The following CABP1 variants were observed in gnomAD, a reference collection of about 807,000 sequenced individuals.
CABP1 encodes calcium binding protein 1.
Under a neutral mutation model 34.3 loss-of-function variants are expected in CABP1, and 17 were observed. The observed-to-expected ratio is 0.50, with a 90% confidence interval of 0.34 to 0.74. The LOEUF is 0.74. Ranked by LOEUF, CABP1 falls within the 30% of genes least tolerant of loss-of-function variation. The probability of loss-of-function intolerance (pLI) is 0.01; values close to 1 mark genes in which losing one functional copy is unlikely to be tolerated. For synonymous variants in CABP1, 198 were observed against 229.2 expected, an observed-to-expected ratio of 0.86 and a Z score of 1.23; for missense variants, 373 against 511.1, an observed-to-expected ratio of 0.73 and a Z score of 2.61.
the CABP1 span, among the ~76,000 whole-genome samples, chr12:120,679,492 G>A: frequency 6.6e-6 from 1 of 152,168 alleles, no homozygotes; most frequent in African/African-American, 2.4e-5. Flanking sequence ...GCTCTGTCAG[G>A]ACCTGGGTTT....
chr12:120,641,380 C>T lies in CABP1; in HGVS notation c.654+41C>T. 8.0e-7 allele frequency: 1 copy of T among 1,248,298 alleles called. No individual in the cohort carries two copies. 77.3% of individuals were successfully genotyped at this position (1,248,298 alleles called of 1,614,324 possible). ...CCCGTCAGCGCTCCCGGGAAAGGCG[C>T]TCGGGACCCTGCCGGCCGCGGTTGC... On this transcript the variant is annotated intron_variant, in intron 1 of 5. Transcript: ENST00000316803. The surrounding 1 kb of genome is among the most constrained non-coding windows in gnomAD (Gnocchi z 6.7).
At chr12:120,676,485 T>A in the CABP1 span, among the ~76,000 whole-genome samples, 7 of 152,270 alleles carry the variant, frequency 4.6e-5, no homozygotes, top group African/African-American at 1.7e-4. Flanking sequence ...TGGAGCATGA[T>A]GATGTGATCT....
chr12:120,665,374 C>T (rs71454656), intron 5 of CABP1, among the ~76,000 whole-genome samples: 18,901 of 151,706 alleles, frequency 0.12, 1,298 homozygotes, highest in Non-Finnish European at 0.14. Flanking sequence ...TGCAGTGAGC[C>T]GAGATTGTGC....
chr12:120,647,720 A>G (rs1593155768), intron 1 of CABP1, among the ~76,000 whole-genome samples: 1 of 148,040 alleles, frequency 6.8e-6, no homozygotes, highest in Admixed American at 6.8e-5. Flanking sequence ...GGCACCTGCC[A>G]CCACGCCCAG....
intron 1 of CABP1, among the ~76,000 whole-genome samples, chr12:120,643,097 T>A (rs2137325737): frequency 6.6e-6 from 1 of 152,036 alleles, no homozygotes; most frequent in East Asian, 1.9e-4. Flanking sequence ...CTTTTGTTTC[T>A]CCTTCTAATT....
At chr12:120,670,748 G>GA (rs1184461989), downstream of CABP1, among the ~76,000 whole-genome samples, 4 of 152,066 alleles carry the variant, frequency 2.6e-5, no homozygotes, top group Non-Finnish European at 5.9e-5. Flanking sequence ...CTTTTGTCTC[G>GA]AAAACCAAAA....
chr12:120,658,420 C>A (rs962581346), intron 1 of CABP1, among the ~76,000 whole-genome samples: 2 of 152,050 alleles, frequency 1.3e-5, no homozygotes, highest in Non-Finnish European at 2.9e-5. Flanking sequence ...TTTAGGTGAA[C>A]GTCCATGCAG....
intron 1 of CABP1, chr12:120,650,348 C>T (rs1051108811): frequency 1.5e-6 from 1 of 678,638 alleles, no homozygotes; most frequent in Non-Finnish European, 2.3e-6. Flanking sequence ...TTTCCCTGTG[C>T]CCTGCACTCT....
chr12:120,648,537 T>A (rs1879654351), intron 1 of CABP1, among the ~76,000 whole-genome samples: 1 of 152,166 alleles, frequency 6.6e-6, no homozygotes, highest in African/African-American at 2.4e-5. Flanking sequence ...AAGCCCCATT[T>A]TTCCAGTGGC....
chr12:120,659,782 C>G (rs1880506240), intron 1 of CABP1, 96 bp from the exon 2 acceptor site: 2 of 1,138,648 alleles, frequency 1.8e-6, no homozygotes, highest in Admixed American at 1.8e-5. Context: ...CACCTCCTAC[C>G]CAGTGCCTGC....
Position 120,641,581 on chromosome 12 carries a change from C to G in CABP1, c.654+242C>G. 2.6e-6 allele frequency: 1 copy of G among 385,746 alleles called. No individual in the cohort carries two copies. Among genetic ancestry groups the G allele is most frequent in the Non-Finnish European group, 4.5e-6 (1 of 221,202 alleles). The allele number at this position is 385,746 out of a possible 1,614,324, so 23.9% of individuals were successfully genotyped here. The stretch of plus-strand genomic sequence containing the variant: ...GGCAAGGCCCTCCCCGCTAGCCTCC[C>G]TCATACCCGCCAGAACCCGCCAGTC... On this transcript the variant is annotated intron_variant, in intron 1 of 5. Transcript: ENST00000316803. This position sits in a 1 kb window ranked among gnomAD's most constrained non-coding sequence, Gnocchi z 6.7.
intron 1 of CABP1, among the ~76,000 whole-genome samples, chr12:120,658,436 TCA>T (rs1880393971): frequency 6.6e-6 from 1 of 152,014 alleles, no homozygotes; most frequent in Admixed American, 6.6e-5. Context: ...TGCAGTCATC[TCA>T]GAGACACGCC....
chr12:120,662,808 C>A (rs1302141381), intron 5 of CABP1, among the ~76,000 whole-genome samples: 1 of 151,930 alleles, frequency 6.6e-6, no homozygotes, highest in Non-Finnish European at 1.5e-5. Flanking sequence ...CCTCAGCCTC[C>A]CGAATAGCTG....
intron 1 of CABP1, among the ~76,000 whole-genome samples, chr12:120,649,853 C>T (rs139871797): frequency 9.2e-4 from 140 of 152,256 alleles, no homozygotes; most frequent in African/African-American, 3.2e-3. Flanking sequence ...ATGATGGAGG[C>T]GTCACCAGAC....
chr12:120,642,949 T>A (rs1879402263), intron 1 of CABP1, among the ~76,000 whole-genome samples: 1 of 136,830 alleles, frequency 7.3e-6, no homozygotes. Context: ...CCTAGAATCA[T>A]ACACTTTCTG....
In CABP1 at chr12:120,660,013, C is replaced by A; in HGVS notation, c.685+105C>A. On this transcript the variant is annotated intron_variant, in intron 2 of 5. Coordinates refer to ENST00000316803, the MANE Select transcript of CABP1 (RefSeq NM_001033677.2). The surrounding 1 kb of genome is among the most constrained non-coding windows in gnomAD (Gnocchi z 5.0). ...CCCCTGGAAATGGGGCCTGGTGCAACGCGGGGTATCTTCTGTGAAACCAGC... is the reference window on the plus strand; with the variant it reads ...CCCCTGGAAATGGGGCCTGGTGCAAAGCGGGGTATCTTCTGTGAAACCAGC... The A allele has an allele frequency of 7.7e-7, 1 of 1,304,664 alleles. No individual in the cohort carries two copies. The highest frequency in any genetic ancestry group is 1.1e-6 in the Non-Finnish European group (1 of 922,146). The allele number at this position is 1,304,664 out of a possible 1,614,324, so 80.8% of individuals were successfully genotyped here. A position where few individuals can be genotyped will look rare whatever the true frequency, so the allele number is the denominator to read the frequency against.
chr12:120,641,445 G>T lies in CABP1; in HGVS notation c.654+106G>T, dbSNP rs570347900. Reference sequence around the variant, plus strand: ...CTCCCGCGGCCCGTGGTCCCCCACGGATCACGCCTCGGCTCACCTCGTCCT... The same window carrying T: ...CTCCCGCGGCCCGTGGTCCCCCACGTATCACGCCTCGGCTCACCTCGTCCT... On this transcript the variant is annotated intron_variant, in intron 1 of 5. Transcript: ENST00000316803. The surrounding 1 kb of genome is among the most constrained non-coding windows in gnomAD (Gnocchi z 6.7). 4 of 1,169,932 alleles carry T rather than the reference G, an allele frequency of 3.4e-6. No homozygotes were observed. The East Asian group carries it at 1.3e-4, about 38-fold the overall frequency. 72.5% of individuals were successfully genotyped at this position (1,169,932 alleles called of 1,614,324 possible). A position where few individuals can be genotyped will look rare whatever the true frequency, so the allele number is the denominator to read the frequency against.
chr12:120,655,555 C>G (rs903233871), intron 1 of CABP1: 1 of 1,237,972 alleles, frequency 8.1e-7, no homozygotes, highest in East Asian at 3.4e-5. Flanking sequence ...ACCAGCCAAG[C>G]CTGGTCTCCA....
At chr12:120,679,056 G>A in the CABP1 span, among the ~76,000 whole-genome samples, 7 of 124,440 alleles carry the variant, frequency 5.6e-5, no homozygotes, top group African/African-American at 1.9e-4. Flanking sequence ...CTGGGTGACA[G>A]AGTGAGACAC....
Sources: allele counts gnomAD v4.1 joint callset (sites outside exome capture counted in the v4.1 genomes callset), GRCh38; gene constraint gnomAD v4.1.1; non-coding constraint Gnocchi (gnomAD v3.1); transcripts MANE v1.5; gene names NCBI Gene and HGNC (gene_info 2026-07-23, HGNC 2026-07-21).